CDK14: variants seen among roughly 807,000 people sequenced by gnomAD.
CDK14 encodes the protein cyclin-dependent kinase 14.
Under a neutral mutation model 60.7 loss-of-function variants are expected in CDK14, and 34 were observed. That is an observed-to-expected ratio of 0.56 (90% CI 0.43 to 0.75). The LOEUF is 0.75. Ranked by LOEUF, CDK14 falls within the 30% of genes least tolerant of loss-of-function variation. The pLI is 0.00. For synonymous variants in CDK14, 197 were observed against 203.7 expected (o/e 0.97, Z 0.28); for missense variants, 482 against 564.1 (o/e 0.85, Z 1.47).
intron 3 of CDK14, 86 bp downstream of exon 3, chr7:90,726,898 A>G: frequency 6.7e-7 from 1 of 1,495,204 alleles, no homozygotes; most frequent in Non-Finnish European, 9.1e-7. Context: ...GACAGCAGGA[A>G]ACTTTATCAG....
chr7:91,022,830 G>T (rs1796466015), intron 10 of CDK14, among the ~76,000 whole-genome samples: 1 of 152,042 alleles, frequency 6.6e-6, no homozygotes, highest in African/African-American at 2.4e-5. Flanking sequence ...AAGCTCATTA[G>T]ATCTTTCTGA....
chr7:91,138,278 A>G (rs531544439), intron 14 of CDK14, among the ~76,000 whole-genome samples: 31 of 152,302 alleles, frequency 2.0e-4, no homozygotes, highest in Non-Finnish European at 3.8e-4. Flanking sequence ...AAAGAAATTT[A>G]TAAAAGCCCA....
At chr7:91,014,886 TC>T (rs1271774678) in intron 10 of CDK14, among the ~76,000 whole-genome samples, 2 of 152,202 alleles carry the variant, frequency 1.3e-5, no homozygotes, top group Non-Finnish European at 2.9e-5. Flanking sequence ...AACTGTGAAA[TC>T]CCCTTTCAGT....
chr7:90,937,312 T>C (rs1477747646), intron 8 of CDK14, among the ~76,000 whole-genome samples: 1 of 152,210 alleles, frequency 6.6e-6, no homozygotes, highest in African/African-American at 2.4e-5. Flanking sequence ...ACTATAAAAA[T>C]GAGGTGAACT....
chr7:90,959,417 C>T (rs3808261), intron 9 of CDK14, among the ~76,000 whole-genome samples: 10,130 of 152,196 alleles, frequency 0.067, 422 homozygotes, highest in East Asian at 0.18. Flanking sequence ...TAGAAGTTCA[C>T]AGGCACTGAT....
At chr7:91,057,771 G>C (rs1797630456) in intron 11 of CDK14, among the ~76,000 whole-genome samples, 3 of 152,150 alleles carry the variant, frequency 2.0e-5, no homozygotes, top group Admixed American at 2.0e-4. Flanking sequence ...CTATATCTCT[G>C]TTTTGGTACC....
At chr7:91,108,561 A>T (rs1229912568) in intron 12 of CDK14, among the ~76,000 whole-genome samples, 1 of 152,194 alleles carries the variant, frequency 6.6e-6, no homozygotes, top group Non-Finnish European at 1.5e-5. Flanking sequence ...TCTGTGATTT[A>T]TTCCTTCAGT....
chr7:90,947,223 G>A (rs887981765), intron 8 of CDK14, among the ~76,000 whole-genome samples: 4 of 151,978 alleles, frequency 2.6e-5, no homozygotes, highest in Middle Eastern at 3.2e-3. Context: ...TCCTGTCTTC[G>A]CTGCCATCCA....
chr7:90,643,871 A>G (rs1460691246), intron 2 of CDK14, among the ~76,000 whole-genome samples: 1 of 152,232 alleles, frequency 6.6e-6, no homozygotes, highest in Non-Finnish European at 1.5e-5. Context: ...TATAGTAGAT[A>G]GTAAGGAGTG....
chr7:90,600,376 T>C (rs1245021592), intron 1 of CDK14, among the ~76,000 whole-genome samples: 2 of 152,250 alleles, frequency 1.3e-5, no homozygotes, highest in African/African-American at 2.4e-5. Flanking sequence ...TTATGTAATA[T>C]CCGGTGTATG....
At chr7:90,971,048 A>G (rs920940857) in intron 9 of CDK14, among the ~76,000 whole-genome samples, 2 of 151,776 alleles carry the variant, frequency 1.3e-5, no homozygotes, top group Admixed American at 6.6e-5. Flanking sequence ...CATTAGGTGT[A>G]TCTCCTAATG....
At chr7:90,988,824 T>C (rs1795449874) in intron 10 of CDK14, among the ~76,000 whole-genome samples, 1 of 152,144 alleles carries the variant, frequency 6.6e-6, no homozygotes, top group Non-Finnish European at 1.5e-5. Context: ...CTCTCTGCAT[T>C]TGAACGTTGA....
chr7:90,655,396 T>A (rs1176168466), intron 2 of CDK14, among the ~76,000 whole-genome samples: 1 of 152,034 alleles, frequency 6.6e-6, no homozygotes, highest in Non-Finnish European at 1.5e-5. Flanking sequence ...TTCGAGATGG[T>A]CTATCGGTTT....
chr7:90,752,186 C>T (rs1345935634), intron 4 of CDK14, among the ~76,000 whole-genome samples: 12 of 152,104 alleles, frequency 7.9e-5, no homozygotes, highest in African/African-American at 2.7e-4. Flanking sequence ...TAATAGGCAT[C>T]TACAGGATAT....
intron 10 of CDK14, 51 bp downstream of exon 10, chr7:90,984,292 C>G (rs554234466): frequency 2.6e-6 from 3 of 1,138,268 alleles, no homozygotes; most frequent in African/African-American, 1.5e-5. Context: ...TAATTAGTCA[C>G]TTAGTGACAA....
intron 4 of CDK14, among the ~76,000 whole-genome samples, chr7:90,788,608 C>G (rs1805698977): frequency 6.6e-6 from 1 of 152,132 alleles, no homozygotes; most frequent in Non-Finnish European, 1.5e-5. Flanking sequence ...TTACTGTAAC[C>G]AATAATAATG....
intron 10 of CDK14, among the ~76,000 whole-genome samples, chr7:91,029,930 C>A (rs925371653): frequency 8.5e-5 from 13 of 152,228 alleles, no homozygotes; most frequent in Admixed American, 7.2e-4. Context: ...ATTGCTCTGG[C>A]TAGGATTTCC....
chr7:90,661,085 T>A (rs1347614672), intron 2 of CDK14, among the ~76,000 whole-genome samples: 1 of 152,220 alleles, frequency 6.6e-6, no homozygotes, highest in African/African-American at 2.4e-5. Context: ...CATATGGTTA[T>A]TCCCCAGTGA....
At chr7:90,824,355 A>AGG (rs1419438333) in intron 5 of CDK14, among the ~76,000 whole-genome samples, 14 of 152,202 alleles carry the variant, frequency 9.2e-5, no homozygotes, top group Admixed American at 9.2e-4. Context: ...GGAATGGGGC[A>AGG]GGTGTCTGTG....
Sources: gnomAD v4.1 joint callset for allele counts (sites outside exome capture counted in the v4.1 genomes callset) on GRCh38, gnomAD v4.1.1 for gene constraint, MANE v1.5 for transcripts, NCBI Gene and HGNC (gene_info 2026-07-23, HGNC 2026-07-21) for gene names.